Variants in POU2F1 observed in about 807,000 individuals in gnomAD.
POU2F1 encodes POU class 2 homeobox 1.
POU2F1 carries 16 observed loss-of-function variants against 84.9 expected under a neutral mutation model. The observed-to-expected ratio is 0.19, with a 90% confidence interval of 0.13 to 0.29. The LOEUF (loss-of-function observed/expected upper bound fraction) is 0.29, where lower values mean the gene tolerates loss of function less well. Among genes scored for constraint, POU2F1 ranks in the 10% least tolerant of loss-of-function variants. The pLI is 1.00. For missense variants in POU2F1, 738 were observed against 942.6 expected (o/e 0.78, Z 2.84); for synonymous variants, 368 against 368.3 (o/e 1.00, Z 0.01).
chr1:167,392,671 G>T (rs557906540), intron 9 of POU2F1, among the ~76,000 whole-genome samples: 1 of 152,236 alleles, frequency 6.6e-6, no homozygotes, highest in East Asian at 1.9e-4. Flanking sequence ...CTATGGTCTG[G>T]TGTTTTGTTT....
intron 6 of POU2F1, 69 bp downstream of exon 6, chr1:167,374,365 G>A: frequency 7.0e-7 from 1 of 1,437,772 alleles, no homozygotes; most frequent in Non-Finnish European, 9.3e-7. Flanking sequence ...TTTAATGTTA[G>A]ATTAACTTTT....
intron 3 of POU2F1, among the ~76,000 whole-genome samples, chr1:167,369,205 C>T (rs1659861392): frequency 6.6e-6 from 1 of 152,052 alleles, no homozygotes. Context: ...TGATTTTCAT[C>T]ATGATTAGAT....
At chr1:167,245,450 G>A (rs1338858200) in intron 1 of POU2F1, among the ~76,000 whole-genome samples, 1 of 125,664 alleles carries the variant, frequency 8.0e-6, no homozygotes. Flanking sequence ...TTTTGCTCTT[G>A]TTCCCCAGGC....
intron 2 of POU2F1, among the ~76,000 whole-genome samples, chr1:167,341,263 A>C (rs868471962): frequency 3.3e-5 from 5 of 152,118 alleles, no homozygotes; most frequent in Non-Finnish European, 5.9e-5. Context: ...TATTTTTATA[A>C]TGCAGGTAAA....
intron 1 of POU2F1, among the ~76,000 whole-genome samples, chr1:167,259,050 C>A (rs1333039745): frequency 6.6e-6 from 1 of 152,130 alleles, no homozygotes; most frequent in Non-Finnish European, 1.5e-5. Context: ...TGATCTTAAC[C>A]AGGCTTACTC....
chr1:167,226,168 A>C (rs959599424), intron 1 of POU2F1, among the ~76,000 whole-genome samples: 14 of 152,168 alleles, frequency 9.2e-5, no homozygotes, highest in African/African-American at 3.4e-4. Flanking sequence ...TGTACTTACT[A>C]TTTCTTGGGC....
At chr1:167,238,029 G>A (rs1160188429) in intron 1 of POU2F1, among the ~76,000 whole-genome samples, 4 of 151,656 alleles carry the variant, frequency 2.6e-5, no homozygotes, top group South Asian at 2.1e-4. Context: ...TGATCTGCCC[G>A]CCTTGGTCTC....
chr1:167,314,546 G>A (rs1419026493), intron 1 of POU2F1, among the ~76,000 whole-genome samples: 1 of 152,196 alleles, frequency 6.6e-6, no homozygotes, highest in African/African-American at 2.4e-5. Context: ...GAAGGCTGAG[G>A]TGGGAGGATG....
At chr1:167,359,394 G>T (rs1050381436) in intron 2 of POU2F1, among the ~76,000 whole-genome samples, 1 of 151,980 alleles carries the variant, frequency 6.6e-6, no homozygotes, top group Non-Finnish European at 1.5e-5. Context: ...TTCTGTCTTT[G>T]TGTCTTATGT....
At chr1:167,268,458 A>G (rs763396374) in intron 1 of POU2F1, among the ~76,000 whole-genome samples, 1 of 152,114 alleles carries the variant, frequency 6.6e-6, no homozygotes, top group Non-Finnish European at 1.5e-5. Context: ...CTCAGATGCC[A>G]TGAATTAAGT....
chr1:167,314,210 A>C (rs534446859), intron 1 of POU2F1, among the ~76,000 whole-genome samples: 27 of 149,378 alleles, frequency 1.8e-4, no homozygotes, highest in Admixed American at 9.8e-4. Flanking sequence ...AAAAAAAAAA[A>C]AAACAAAACT....
At chr1:167,388,031 G>C (rs1036185583) in intron 8 of POU2F1, among the ~76,000 whole-genome samples, 17 of 152,270 alleles carry the variant, frequency 1.1e-4, no homozygotes, top group African/African-American at 3.6e-4. Context: ...CAATTTAAAG[G>C]TTTATGTACC....
chr1:167,332,968 C>T (rs1232901980), intron 2 of POU2F1, among the ~76,000 whole-genome samples: 3 of 152,106 alleles, frequency 2.0e-5, no homozygotes. Context: ...AAAATGCCAG[C>T]TACACAGTAA....
chr1:167,251,188 C>CA (rs1221230592), intron 1 of POU2F1, among the ~76,000 whole-genome samples: 2 of 152,082 alleles, frequency 1.3e-5, no homozygotes, highest in African/African-American at 4.8e-5. Context: ...CACTTGAGCC[C>CA]AGGAGTGTGA....
At chr1:167,385,808 G>T (rs1414356937) in intron 8 of POU2F1, among the ~76,000 whole-genome samples, 1 of 152,102 alleles carries the variant, frequency 6.6e-6, no homozygotes, top group Non-Finnish European at 1.5e-5. Context: ...TCTCTCAAGT[G>T]AATGAAAAGA....
intron 13 of POU2F1, among the ~76,000 whole-genome samples, chr1:167,407,847 C>G (rs186633411): frequency 3.9e-5 from 6 of 152,080 alleles, no homozygotes; most frequent in African/African-American, 9.6e-5. Flanking sequence ...GGGTTAAGCA[C>G]AGAGTTCATA....
chr1:167,223,255 C>T (rs553915553), intron 1 of POU2F1, among the ~76,000 whole-genome samples: 1 of 152,270 alleles, frequency 6.6e-6, no homozygotes, highest in South Asian at 2.1e-4. Context: ...ACTTATTCTC[C>T]TCCCAGCACA....
chr1:167,352,014 C>G (rs949046292), intron 2 of POU2F1, among the ~76,000 whole-genome samples: 8 of 152,160 alleles, frequency 5.3e-5, no homozygotes, highest in Non-Finnish European at 1.0e-4. Flanking sequence ...ATTCAAACAG[C>G]AGAAGTGTGT....
intron 1 of POU2F1, among the ~76,000 whole-genome samples, chr1:167,306,506 A>C (rs1655073480): frequency 6.6e-6 from 1 of 152,210 alleles, no homozygotes; most frequent in African/African-American, 2.4e-5. Context: ...TCAAAATAAC[A>C]TATTAATTTT....
Sources: gnomAD v4.1 joint callset for allele counts (sites outside exome capture counted in the v4.1 genomes callset) on GRCh38, gnomAD v4.1.1 for gene constraint, MANE v1.5 for transcripts, NCBI Gene and HGNC (gene_info 2026-07-23, HGNC 2026-07-21) for gene names.